DYRK1A: variants seen among roughly 807,000 people sequenced by gnomAD.
DYRK1A encodes the protein dual specificity tyrosine-phosphorylation-regulated kinase 1A.
DYRK1A carries 9 observed loss-of-function variants against 79.7 expected under a neutral mutation model. That is an observed-to-expected ratio of 0.11 (90% CI 0.07 to 0.20). The LOEUF is 0.20. DYRK1A is among the 10% of genes least tolerant of loss of function. The probability of loss-of-function intolerance (pLI) is 1.00; values close to 1 mark genes in which losing one functional copy is unlikely to be tolerated. For missense variants in DYRK1A, 622 were observed against 956.0 expected (o/e 0.65, Z 4.61); for synonymous variants, 349 against 329.7 (o/e 1.06, Z -0.63).
chr21:37,510,701 G>A (rs2835775), intron 11 of DYRK1A, among the ~76,000 whole-genome samples: 16,822 of 151,988 alleles, frequency 0.11, 1,235 homozygotes, highest in Middle Eastern at 0.16. Context: ...TCCAGGTCCT[G>A]ATCTCCTACC....
chr21:37,374,287 G>A (rs1027510487), intron 1 of DYRK1A, among the ~76,000 whole-genome samples: 1 of 150,668 alleles, frequency 6.6e-6, no homozygotes, highest in African/African-American at 2.5e-5. Context: ...AAAGATTTGA[G>A]TCACCGAACA....
chr21:37,406,617 G>T (rs773559059), intron 1 of DYRK1A, among the ~76,000 whole-genome samples: 43 of 151,882 alleles, frequency 2.8e-4, no homozygotes, highest in Non-Finnish European at 2.9e-5. Flanking sequence ...CATGAGAATT[G>T]CTTGAACCCG....
chr21:37,417,544 T>TCTTTTTC (rs1569304704), intron 1 of DYRK1A, among the ~76,000 whole-genome samples: 8 of 127,542 alleles, frequency 6.3e-5, no homozygotes, highest in Non-Finnish European at 8.6e-5. Flanking sequence ...TTTTTTTTTT[T>TCTTTTTC]TTTTTTTTTT....
At chr21:37,491,888 A>G (rs1291122977) in intron 7 of DYRK1A, among the ~76,000 whole-genome samples, 1 of 152,214 alleles carries the variant, frequency 6.6e-6, no homozygotes, top group Non-Finnish European at 1.5e-5. Context: ...TAACTATTCA[A>G]GTTCATTGGC....
intron 2 of DYRK1A, among the ~76,000 whole-genome samples, chr21:37,454,178 G>A (rs538384155): frequency 1.2e-4 from 16 of 138,636 alleles, no homozygotes; most frequent in African/African-American, 4.3e-4. Flanking sequence ...CTGCAGCCTC[G>A]ACCTCCTGGG....
At position 37,478,259 on chromosome 21, in the gene DYRK1A, C is replaced by A; in HGVS notation, c.259C>A (p.Leu87Ile). The A allele has an allele frequency of 6.2e-7, 1 of 1,614,064 alleles. No individual in the cohort carries two copies. Among genetic ancestry groups the A allele is most frequent in the African/African-American group, 1.3e-5 (1 of 75,052 alleles). Reference sequence around the variant, plus strand: ...CCCAGCAACTGCTCCCCTGAGAAAACTTTCTGTTGACTTGATCAAAACATA... The same window carrying A: ...CCCAGCAACTGCTCCCCTGAGAAAAATTTCTGTTGACTTGATCAAAACATA... ...RDPATAPLRK[L>I]SVDLIKTYKH... is the part of the protein sequence containing the mutation. Residue 87 changes from leucine to isoleucine, a missense_variant, in exon 4 of 12, where the codon CTT (leucine) becomes ATT (isoleucine). Leu to Ile is a conservative substitution (Grantham distance 5). Around this residue, in one of 5 missense-constraint regions of DYRK1A, gnomAD observed 91 missense variants for 113.8 expected, o/e 0.80. Transcript: ENST00000647188.
chr21:37,487,387 A>C (rs568077611), intron 6 of DYRK1A: 2 of 152,314 alleles, frequency 1.3e-5, no homozygotes, highest in Admixed American at 6.5e-5. Context: ...GGGCCATTTG[A>C]TACATGGGCA....
intron 7 of DYRK1A, 30 bp downstream of exon 7, chr21:37,490,491 A>T: frequency 6.3e-7 from 1 of 1,588,050 alleles, no homozygotes. Flanking sequence ...TTGTGAATTA[A>T]ATAGAAATTA....
intron 6 of DYRK1A, chr21:37,488,965 T>C (rs1347066139): frequency 1.4e-6 from 1 of 728,420 alleles, no homozygotes; most frequent in Non-Finnish European, 1.7e-6. Context: ...CTTTTGTTAT[T>C]TTTAGTATCG....
chr21:37,508,155 T>TA (rs1463333944), intron 11 of DYRK1A, among the ~76,000 whole-genome samples: 1 of 152,222 alleles, frequency 6.6e-6, no homozygotes, highest in African/African-American at 2.4e-5. Flanking sequence ...TTCTCCACCT[T>TA]TCACTTTACC....
chr21:37,369,780 C>T lies in DYRK1A; in HGVS notation c.-77+2152C>T, dbSNP rs563611144. On this transcript the variant is annotated intron_variant, in intron 1 of 11. Coordinates refer to ENST00000647188, the MANE Select transcript of DYRK1A (RefSeq NM_001347721.2). ...TAGGGGTGGGAAATGGACTAAATGACCTAGTGAGATCTTTGTTTTGAGATC... is the reference window on the plus strand; with the variant it reads ...TAGGGGTGGGAAATGGACTAAATGATCTAGTGAGATCTTTGTTTTGAGATC... 4.6e-5 allele frequency among the ~76,000 whole-genome samples: 7 copies of T among 152,266 alleles called. No homozygotes were observed. In the South Asian group the frequency reaches 1.2e-3, roughly 27 times the overall value.
At position 37,490,236 on chromosome 21, in the gene DYRK1A, C is replaced by G; in HGVS notation, c.699C>G (p.Ser233=). 6.2e-7 allele frequency: 1 copy of G among 1,613,742 alleles called. No homozygotes were observed. The highest frequency in any genetic ancestry group is 8.5e-7 in the Non-Finnish European group (1 of 1,179,730). Residue 233 remains serine, a synonymous_variant, in exon 7 of 12, where the codon TCC becomes TCG. Transcript: ENST00000647188. ...TCTGTTTAGTTTTTGAAATGCTGTC[C>G]TACAACCTCTATGACTTGCTGAGAA... ...NHLCLVFEML[S]YNLYDLLRNT... is the part of the protein sequence containing the mutation.
At chr21:37,503,051 A>G (rs984971742) in intron 9 of DYRK1A, 1 of 151,520 alleles carries the variant, frequency 6.6e-6, no homozygotes, top group Non-Finnish European at 1.5e-5. Flanking sequence ...GCTGATTTTA[A>G]TATTTTCTCT....
chr21:37,463,351 A>G (rs2051916137), intron 2 of DYRK1A, among the ~76,000 whole-genome samples: 1 of 152,190 alleles, frequency 6.6e-6, no homozygotes, highest in South Asian at 2.1e-4. Context: ...AGTCACAGTC[A>G]TTGCTTACTT....
chr21:37,388,791 C>T (rs2049813600), intron 1 of DYRK1A, among the ~76,000 whole-genome samples: 2 of 151,510 alleles, frequency 1.3e-5, no homozygotes, highest in South Asian at 2.1e-4. Flanking sequence ...ACTACAGGTG[C>T]CCACCATCAT....
rs1389674211 is a variant in DYRK1A, at chr21:37,513,493, A to AAAATAGAC, written c.*963_*970dup. On this transcript the variant is annotated 3_prime_UTR_variant, in exon 12 of 12. Coordinates refer to ENST00000647188, the MANE Select transcript of DYRK1A (RefSeq NM_001347721.2). The stretch of plus-strand genomic sequence containing the variant: ...GGGTAATTCAAGAGGCCTTTCTTTT[A>AAAATAGAC]AAATAGACTTTTGTGACCCACTAAT... The AAAATAGAC allele has an allele frequency of 6.6e-6, 1 of 152,630 alleles. No individual in the cohort carries two copies. The allele number at this position is 152,630 out of a possible 1,614,324, so 9.5% of individuals were successfully genotyped here.
At position 37,512,394 on chromosome 21, in the gene DYRK1A, A is replaced by G. The variant is rs774450081; in HGVS notation, c.2128A>G (p.Thr710Ala). ...AGAGACTGGCATAGCTGGACATCCA[A>G]CATACCAATTTTCTGCTAATACAGG... ...RQETGIAGHP[T>A]YQFSANTGPA... The change falls in exon 12 of 12, where the codon ACA becomes GCA. Residue 710 changes from threonine (T) to alanine (A), a missense_variant. By Grantham distance (58) the Thr-to-Ala change is moderately conservative. Around this residue, in one of 5 missense-constraint regions of DYRK1A, gnomAD observed 292 missense variants for 316.7 expected, o/e 0.92. Coordinates refer to ENST00000647188, the MANE Select transcript of DYRK1A (RefSeq NM_001347721.2). 24 of 1,614,090 alleles carry G rather than the reference A, an allele frequency of 1.5e-5. No individual in the cohort carries two copies. Among genetic ancestry groups the G allele is most frequent in the Admixed American group, 3.3e-5 (2 of 60,006 alleles).
In DYRK1A at chr21:37,482,822, A is replaced by C. The variant is rs542076242; in HGVS notation, c.489+1996A>C. Among the ~76,000 whole-genome samples the C allele has an allele frequency of 1.2e-4, 18 of 152,278 alleles. No homozygotes were observed. In the East Asian group the frequency reaches 3.3e-3, roughly 28 times the overall value. ...CAGGGGCTCATTCTCTTTCTCAGGGATGTTCCTTGCTGAGAAAAAGAATTC... is the reference window on the plus strand; with the variant it reads ...CAGGGGCTCATTCTCTTTCTCAGGGCTGTTCCTTGCTGAGAAAAAGAATTC... On this transcript the variant is annotated intron_variant, in intron 5 of 11. Transcript: ENST00000647188.
rs540451279 is a variant in DYRK1A at position 37,517,906 on chromosome 21, A to G, written c.*5375A>G. 1 of 152,192 alleles carries G rather than the reference A, an allele frequency of 6.6e-6. No homozygotes were observed. The highest frequency in any genetic ancestry group is 2.1e-4 in the South Asian group (1 of 4,822). The allele number at this position is 152,192 out of a possible 1,614,324, so 9.4% of individuals were successfully genotyped here. On this transcript the variant is annotated 3_prime_UTR_variant, in exon 12 of 12. Transcript: ENST00000647188. ...AGTTTTTTTTAATGTTACTTCTTTA[A>G]TTTTAGAGACGGTGTCTGGCTTTGT...
Sources: gnomAD v4.1 joint callset for allele counts (sites outside exome capture counted in the v4.1 genomes callset) on GRCh38, gnomAD v4.1.1 for gene constraint, gnomAD v4.1.1 regional missense constraint, MANE v1.5 for transcripts, NCBI Gene and HGNC (gene_info 2026-07-23, HGNC 2026-07-21) for gene names.